The following PLXNA2 variants were observed in gnomAD, a reference collection of about 807,000 sequenced individuals.
The protein encoded by PLXNA2 is plexin A2.
Under a neutral mutation model 193.5 loss-of-function variants are expected in PLXNA2, and 91 were observed. That is an observed-to-expected ratio of 0.47 (90% CI 0.40 to 0.56). PLXNA2 has a LOEUF of 0.56. PLXNA2 is among the 20% of genes least tolerant of loss of function. The pLI is 0.00. For synonymous variants in PLXNA2, 997 were observed against 1,027.3 expected, an observed-to-expected ratio of 0.97 and a Z score of 0.56; for missense variants, 1,995 against 2,503.2, an observed-to-expected ratio of 0.80 and a Z score of 4.33.
rs560351709 is a variant in PLXNA2 at position 208,049,371 on chromosome 1, T to C, written c.3255+1638A>G. Among the ~76,000 whole-genome samples the C allele has an allele frequency of 1.9e-4, 28 of 151,070 alleles. No individual in the cohort carries two copies. In the South Asian group the frequency reaches 5.9e-3, roughly 32 times the overall value. On this transcript the variant is annotated intron_variant, in intron 17 of 31. Transcript: ENST00000367033. ...CCATTCTTGTTCCCATACCTCACCCTAGACTCTGGAGTTACCTGGGAGTTT... is the reference window on the plus strand; with the variant it reads ...CCATTCTTGTTCCCATACCTCACCCCAGACTCTGGAGTTACCTGGGAGTTT...
At position 208,042,148 on chromosome 1, in the gene PLXNA2, G is replaced by C; in HGVS notation, c.4236C>G (p.Leu1412=). The change falls in exon 22 of 32, where the codon CTC becomes CTG. Residue 1412 remains leucine (L), a synonymous_variant. Coordinates refer to ENST00000367033, the MANE Select transcript of PLXNA2 (RefSeq NM_025179.4). ...TDVLKQLLSD[L]IDKNLENKNH... ...TCTTGTTCTCCAGGTTCTTATCGAT[G>C]AGGTCAGAGAGCAGCTGCTTGAGGA... 1 of 1,614,208 alleles carries C rather than the reference G, an allele frequency of 6.2e-7. No individual in the cohort carries two copies. Among genetic ancestry groups the C allele is most frequent in the Non-Finnish European group, 8.5e-7 (1 of 1,180,036 alleles).
Position 208,026,467 on chromosome 1 carries a change from G to C in PLXNA2, c.*776C>G, listed in dbSNP as rs1664343628. 1 of 152,250 alleles carries C rather than the reference G, an allele frequency of 6.6e-6. No individual in the cohort carries two copies. The highest frequency in any genetic ancestry group is 2.4e-5 in the African/African-American group (1 of 41,448). The allele number at this position is 152,250 out of a possible 1,614,324, so 9.4% of individuals were successfully genotyped here. A position where few individuals can be genotyped will look rare whatever the true frequency, so the allele number is the denominator to read the frequency against. On this transcript the variant is annotated 3_prime_UTR_variant, in exon 32 of 32. Transcript: ENST00000367033. Reference sequence around the variant, plus strand: ...TCTCAAAAGATGAGAATATACAGGTGTGTGGTAGATAAAGCTCAGTTTCCA... The same window carrying C: ...TCTCAAAAGATGAGAATATACAGGTCTGTGGTAGATAAAGCTCAGTTTCCA...
intron 24 of PLXNA2, 90 bp downstream of exon 24, chr1:208,039,531 A>AC: frequency 6.5e-7 from 1 of 1,541,736 alleles, no homozygotes; most frequent in Non-Finnish European, 8.9e-7. Flanking sequence ...CTCTTTATTG[A>AC]CCCCCTAGAC....
At chr1:208,198,442 A>T (rs1227352501) in intron 3 of PLXNA2, among the ~76,000 whole-genome samples, 2 of 152,234 alleles carry the variant, frequency 1.3e-5, no homozygotes, top group African/African-American at 2.4e-5. Context: ...CCTTGTCAGC[A>T]ACACTCCTTT....
At chr1:208,064,338 C>T (rs890035878) in intron 12 of PLXNA2, among the ~76,000 whole-genome samples, 4 of 152,222 alleles carry the variant, frequency 2.6e-5, no homozygotes, top group African/African-American at 7.2e-5. Flanking sequence ...CTCTAAAAAC[C>T]TTCCATGGCT....
rs551445396 is a variant in PLXNA2, at chr1:208,127,214, T to C, written c.1506+15115A>G. Among the ~76,000 whole-genome samples the C allele has an allele frequency of 2.6e-5, 4 of 152,306 alleles. No individual in the cohort carries two copies. In the East Asian group the frequency reaches 7.7e-4, roughly 29 times the overall value. On this transcript the variant is annotated intron_variant, in intron 4 of 31. Transcript: ENST00000367033. Reference sequence around the variant, plus strand: ...AAAATGGAGTGAGAAAGCCATACTCTACCTTGGATGATTGTTTTTGCAGAA... The same window carrying C: ...AAAATGGAGTGAGAAAGCCATACTCCACCTTGGATGATTGTTTTTGCAGAA...
At chr1:208,164,320 A>G (rs1423514028) in intron 3 of PLXNA2, among the ~76,000 whole-genome samples, 1 of 152,168 alleles carries the variant, frequency 6.6e-6, no homozygotes, top group Non-Finnish European at 1.5e-5. Context: ...GAGGCGGAAG[A>G]GGAGAAACAA....
intron 4 of PLXNA2, among the ~76,000 whole-genome samples, chr1:208,129,536 A>G (rs937245421): frequency 4.6e-5 from 7 of 152,224 alleles, no homozygotes; most frequent in African/African-American, 7.2e-5. Flanking sequence ...GCCAGTATCA[A>G]GTTTTGGGAA....
intron 5 of PLXNA2, among the ~76,000 whole-genome samples, chr1:208,101,504 G>A (rs551947098): frequency 8.9e-4 from 136 of 152,334 alleles, no homozygotes; most frequent in African/African-American, 3.1e-3. Context: ...GTCCTGGTAG[G>A]TAGGGAGGAT....
At chr1:208,177,850 T>C (rs1669707770) in intron 3 of PLXNA2, among the ~76,000 whole-genome samples, 1 of 152,170 alleles carries the variant, frequency 6.6e-6, no homozygotes, top group South Asian at 2.1e-4. Flanking sequence ...GACCCAGCAA[T>C]TTGCGTTTTA....
intron 3 of PLXNA2, among the ~76,000 whole-genome samples, chr1:208,193,927 CGA>C (rs1167988399): frequency 6.6e-6 from 1 of 151,650 alleles, no homozygotes; most frequent in Non-Finnish European, 1.5e-5. Flanking sequence ...AAATAAATAA[CGA>C]AAAATTTTAT....
chr1:208,063,713 T>C (rs1025708085), intron 12 of PLXNA2, among the ~76,000 whole-genome samples: 2 of 152,282 alleles, frequency 1.3e-5, no homozygotes, highest in Admixed American at 6.5e-5. Context: ...TAAGCAACTA[T>C]CATGCTCTGG....
At chr1:208,039,907 G>T (rs1470429638) in intron 23 of PLXNA2, 85 bp downstream of exon 23, 19 of 1,578,460 alleles carry the variant, frequency 1.2e-5, no homozygotes, top group Non-Finnish European at 1.6e-5. Context: ...GAGGGAGGGG[G>T]TCCCCATGCA....
chr1:208,073,153 G>A (rs534330081), intron 12 of PLXNA2, among the ~76,000 whole-genome samples: 33 of 152,214 alleles, frequency 2.2e-4, no homozygotes, highest in Non-Finnish European at 4.4e-4. Context: ...GCACATGGGA[G>A]AGTCTTATTA....
intron 3 of PLXNA2, among the ~76,000 whole-genome samples, chr1:208,204,672 A>G (rs138473495): frequency 6.6e-6 from 1 of 152,352 alleles, no homozygotes; most frequent in Non-Finnish European, 1.5e-5. Context: ...AATACATTTG[A>G]GATCACTTTC....
In PLXNA2 at chr1:208,044,450, G is replaced by C; in HGVS notation, c.3874+58C>G. On this transcript the variant is annotated intron_variant, in intron 20 of 31. Transcript: ENST00000367033. This position sits in a 1 kb window ranked among gnomAD's most constrained non-coding sequence, Gnocchi z 4.9. ...GATAGGAGTTGTCTGCAGGGAGAAG[G>C]GCAATAAGGCAGGTGGAGAAAGAGG... 2 of 1,191,320 alleles carry C rather than the reference G, an allele frequency of 1.7e-6. No individual in the cohort carries two copies. The highest frequency in any genetic ancestry group is 1.7e-5 in the Admixed American group (1 of 58,326). The allele number at this position is 1,191,320 out of a possible 1,614,324, so 73.8% of individuals were successfully genotyped here. A position where few individuals can be genotyped will look rare whatever the true frequency, so the allele number is the denominator to read the frequency against.
chr1:208,208,825 C>G (rs2102596273), intron 3 of PLXNA2, among the ~76,000 whole-genome samples: 1 of 152,316 alleles, frequency 6.6e-6, no homozygotes, highest in South Asian at 2.1e-4. Context: ...GGCTGGATTT[C>G]AACTCCCACT....
chr1:208,116,156 G>A (rs1213298205), intron 4 of PLXNA2, among the ~76,000 whole-genome samples: 1 of 152,120 alleles, frequency 6.6e-6, no homozygotes, highest in East Asian at 1.9e-4. Context: ...CCGCTCATGT[G>A]CAAATCCCTG....
At chr1:208,111,397 G>A (rs942352039) in intron 4 of PLXNA2, among the ~76,000 whole-genome samples, 5 of 152,056 alleles carry the variant, frequency 3.3e-5, no homozygotes, top group African/African-American at 1.2e-4. Flanking sequence ...ACTAGGACCA[G>A]AACGATAATG....
Sources: gnomAD v4.1 joint callset for allele counts (sites outside exome capture counted in the v4.1 genomes callset) on GRCh38, gnomAD v4.1.1 for gene constraint, Gnocchi (gnomAD v3.1) non-coding constraint, MANE v1.5 for transcripts, NCBI Gene and HGNC (gene_info 2026-07-23, HGNC 2026-07-21) for gene names.